The following SAAL1 variants were observed in gnomAD, a reference collection of about 807,000 sequenced individuals.
SAAL1 encodes serum amyloid A like 1.
Under a neutral mutation model 59.8 loss-of-function variants are expected in SAAL1, and 42 were observed. The observed-to-expected ratio is 0.70, with a 90% CI of 0.55 to 0.91. SAAL1 has a LOEUF of 0.91. Among genes scored for constraint, SAAL1 ranks in the 40% least tolerant of loss-of-function variants. The pLI, the probability that SAAL1 is intolerant of heterozygous loss-of-function variation, is 0.00. For synonymous variants in SAAL1, 191 were observed against 194.3 expected, an observed-to-expected ratio of 0.98 and a Z score of 0.14; for missense variants, 542 against 561.1, an observed-to-expected ratio of 0.97 and a Z score of 0.34.
intron 9 of SAAL1, 24 bp from the exon 10 acceptor site, chr11:18,083,755 T>C (rs3741199): frequency 0.4 from 604,429 of 1,522,660 alleles, 124,014 homozygotes; most frequent in African/African-American, 0.52. Flanking sequence ...TCAAGAAGCA[T>C]GGAATTGGCC....
At chr11:18,105,136 C>T (rs866429417) in intron 1 of SAAL1, among the ~76,000 whole-genome samples, 1 of 151,812 alleles carries the variant, frequency 6.6e-6, no homozygotes, top group Non-Finnish European at 1.5e-5. Flanking sequence ...GGTTCTGAGC[C>T]GTTAGGTGAC....
chr11:18,090,176 AT>A lies in SAAL1; in HGVS notation c.587del (p.Asn196MetfsTer6). On this transcript the variant is annotated frameshift_variant and splice_region_variant, in exon 6 of 12. Transcript: ENST00000524803. LOFTEE classifies it high-confidence loss of function. ...SICFIMSSST[N>X]VDLLVKVGEV... The stretch of plus-strand genomic sequence containing the variant: ...TTTCTAGAGTACATGATGACTTACC[AT>A]TTGTTGAACTTGACATAATGAAGCA... The A allele has an allele frequency of 6.3e-7, 1 of 1,586,096 alleles. No individual in the cohort carries two copies.
rs767014935 is a variant in SAAL1, at chr11:18,087,064, G to A, written c.854-10C>T. ...GTGTCAGGACAATGTACTTAATAAA[G>A]AGGACAAATAAAGCAGTACTTTAAA... On this transcript the variant is annotated splice_polypyrimidine_tract_variant and intron_variant, in intron 8 of 11. Coordinates refer to ENST00000524803, the MANE Select transcript of SAAL1 (RefSeq NM_138421.3). 14 of 1,610,782 alleles carry A rather than the reference G, an allele frequency of 8.7e-6. No homozygotes were observed. The Admixed American group carries it at 1.0e-4, about 12-fold the overall frequency.
chr11:18,090,374 T>C (rs1848510862), intron 5 of SAAL1, 60 bp downstream of exon 5: 6 of 1,564,624 alleles, frequency 3.8e-6, no homozygotes, highest in Non-Finnish European at 4.3e-6. Context: ...AAAAATTAAC[T>C]TTTTTTTCTT....
intron 10 of SAAL1, 116 bp from the exon 11 acceptor site, chr11:18,081,619 T>A: frequency 1.3e-6 from 1 of 762,784 alleles, no homozygotes; most frequent in South Asian, 1.6e-5. Flanking sequence ...ATTTCAAATG[T>A]CCCACCTGAA....
intron 2 of SAAL1, among the ~76,000 whole-genome samples, chr11:18,099,371 T>C (rs112951201): frequency 0.051 from 7,704 of 152,336 alleles, 273 homozygotes; most frequent in Non-Finnish European, 0.075. Context: ...TAATAGGCAC[T>C]GTTTTAGGTT....
At position 18,080,530 on chromosome 11, in the gene SAAL1, G is replaced by A. The variant is rs370993280; in HGVS notation, c.1333-39C>T. 17 of 1,403,950 alleles carry A rather than the reference G, an allele frequency of 1.2e-5. No homozygotes were observed. The African/African-American group carries it at 2.0e-4, about 17-fold the overall frequency. 87.0% of individuals were successfully genotyped at this position (1,403,950 alleles called of 1,614,324 possible). ...AAACAAACAAAAATCAAACACAGAA[G>A]AGAAAAACGTGCTTTAAGGTACTGA... On this transcript the variant is annotated intron_variant, in intron 11 of 11. Transcript: ENST00000524803.
intron 2 of SAAL1, 91 bp downstream of exon 2, chr11:18,103,142 T>G (rs1040635549): frequency 2.4e-6 from 2 of 847,754 alleles, no homozygotes; most frequent in Non-Finnish European, 4.1e-6. Flanking sequence ...ATAAAGCCTT[T>G]CCCCAGAGTG....
chr11:18,100,497 G>C (rs1393336774), intron 2 of SAAL1, among the ~76,000 whole-genome samples: 1 of 152,140 alleles, frequency 6.6e-6, no homozygotes, highest in African/African-American at 2.4e-5. Flanking sequence ...TGGGAGGCCG[G>C]GGCAGGGGGA....
chr11:18,097,581 T>C (rs1020226653), intron 2 of SAAL1, among the ~76,000 whole-genome samples: 1 of 152,228 alleles, frequency 6.6e-6, no homozygotes, highest in Non-Finnish European at 1.5e-5. Flanking sequence ...GGTTCACACC[T>C]GTAATCCTAA....
Position 18,080,414 on chromosome 11 carries a change from C to A in SAAL1, c.1410G>T (p.Leu470Phe). Residue 470 changes from leucine to phenylalanine, a missense_variant, in exon 12 of 12, where the codon TTG (leucine) becomes TTT (phenylalanine). By Grantham distance (22) the Leu-to-Phe change is conservative. Transcript: ENST00000524803. ...ADDLEKNFPS[L>F]KVQT is the part of the protein sequence containing the mutation. ...AATTCAGGTTTTAAGTCTGAACCTT[C>A]AAACTTGGGAAGTTTTTTTCCAAGT... is the stretch of plus-strand genomic sequence containing the variant. The A allele has an allele frequency of 6.3e-7, 1 of 1,591,288 alleles. No homozygotes were observed. Among genetic ancestry groups the A allele is most frequent in the Non-Finnish European group, 8.5e-7 (1 of 1,173,234 alleles).
At chr11:18,103,154 AG>A (rs1482430170) in intron 2 of SAAL1, 78 bp downstream of exon 2, 1 of 935,458 alleles carries the variant, frequency 1.1e-6, no homozygotes, top group Non-Finnish European at 1.8e-6. Flanking sequence ...CCCAGAGTGA[AG>A]GACTGAACCG....
chr11:18,100,841 C>CACCA (rs1026391495), intron 2 of SAAL1, among the ~76,000 whole-genome samples: 1 of 152,172 alleles, frequency 6.6e-6, no homozygotes, highest in African/African-American at 2.4e-5. Flanking sequence ...TCCATCCTTG[C>CACCA]ACCATATACT....
At position 18,089,471 on chromosome 11, in the gene SAAL1, A is replaced by G. The variant is rs771948543; in HGVS notation, c.629T>C (p.Leu210Pro). 1 of 1,612,592 alleles carries G rather than the reference A, an allele frequency of 6.2e-7. No individual in the cohort carries two copies. The highest frequency in any genetic ancestry group is 8.5e-7 in the Non-Finnish European group (1 of 1,179,520). ...CATTAGTTTCTCATCCAAATCAAAG[A>G]GCTTGTCCACAACCTCCCCCACCTT... ...LVKVGEVVDKLFDLDEKLMLE... is the reference protein window; with the variant it reads ...LVKVGEVVDKPFDLDEKLMLE... The change falls in exon 7 of 12, where the codon CTC (leucine) becomes CCC (proline). Residue 210 changes from leucine to proline, a missense_variant. By Grantham distance (98) the Leu-to-Pro change is moderately conservative (BLOSUM62 -3). Coordinates refer to ENST00000524803, the MANE Select transcript of SAAL1 (RefSeq NM_138421.3).
At chr11:18,086,654 T>C (rs1036974391) in intron 9 of SAAL1, among the ~76,000 whole-genome samples, 1 of 152,106 alleles carries the variant, frequency 6.6e-6, no homozygotes, top group Non-Finnish European at 1.5e-5. Flanking sequence ...TGAGCCAAGA[T>C]TGTACCACTG....
intron 9 of SAAL1, among the ~76,000 whole-genome samples, chr11:18,085,919 C>T (rs866639781): frequency 3.3e-5 from 5 of 152,020 alleles, no homozygotes; most frequent in Middle Eastern, 3.4e-3. Flanking sequence ...ACATGTGACA[C>T]GAGAATAAAT....
chr11:18,083,583 CT>C lies in SAAL1; in HGVS notation c.1190del (p.Lys397ArgfsTer15). On this transcript the variant is annotated frameshift_variant, in exon 10 of 12. Transcript: ENST00000524803. LOFTEE classifies it high-confidence loss of function. Reference sequence around the variant, plus strand: ...TAGAAAGAAATTCACATAAAATATCCTTTAAGATTTTCAAGTGGAAATCATC... The same window carrying C: ...TAGAAAGAAATTCACATAAAATATCCTTAAGATTTTCAAGTGGAAATCATC... The part of the protein sequence containing the change: ...TQDDFHLKIL[K>X]DILCEFLSNI... The C allele has an allele frequency of 6.3e-7, 1 of 1,596,314 alleles. No homozygotes were observed. Among genetic ancestry groups the C allele is most frequent in the South Asian group, 1.1e-5 (1 of 90,204 alleles).
intron 6 of SAAL1, among the ~76,000 whole-genome samples, chr11:18,089,902 G>T (rs1010918306): frequency 2.0e-5 from 3 of 152,108 alleles, no homozygotes; most frequent in Non-Finnish European, 4.4e-5. Context: ...ATTTTAAAAT[G>T]AGCTGAGCAT....
chr11:18,081,192 T>C (rs1848406338), intron 11 of SAAL1, among the ~76,000 whole-genome samples: 1 of 152,170 alleles, frequency 6.6e-6, no homozygotes, highest in South Asian at 2.1e-4. Flanking sequence ...CTCCCATTTG[T>C]ATGTCCATAG....
Sources: allele counts gnomAD v4.1 joint callset (sites outside exome capture counted in the v4.1 genomes callset), GRCh38; gene constraint gnomAD v4.1.1; transcripts MANE v1.5; gene names NCBI Gene and HGNC (gene_info 2026-07-23, HGNC 2026-07-21).